Variants in MOXD1 observed in about 807,000 individuals in gnomAD.
MOXD1 encodes the protein DBH-like monooxygenase protein 1.
A neutral mutation model predicts 66.6 loss-of-function variants in MOXD1; 62 were observed. The ratio of observed to expected loss-of-function variants is 0.93; its 90% CI spans 0.76 to 1.15. The LOEUF is 1.15. Among genes scored for constraint, MOXD1 ranks in the 50% most tolerant of loss-of-function variants. The pLI is 0.00. For missense variants in MOXD1, 847 were observed against 754.6 expected (o/e 1.12, Z -1.44); for synonymous variants, 303 against 281.9 (o/e 1.07, Z -0.75).
chr6:132,393,505 G>A (rs945213914), intron 1 of MOXD1, among the ~76,000 whole-genome samples: 4 of 152,168 alleles, frequency 2.6e-5, no homozygotes, highest in South Asian at 2.1e-4. Flanking sequence ...GTAAGTGAGA[G>A]ACACCAAGTG....
intron 1 of MOXD1, among the ~76,000 whole-genome samples, chr6:132,378,745 G>A (rs1262806952): frequency 2.0e-5 from 3 of 151,944 alleles, no homozygotes; most frequent in African/African-American, 7.3e-5. Context: ...CTACTCATGG[G>A]TAAAAACCTT....
intron 4 of MOXD1, among the ~76,000 whole-genome samples, chr6:132,334,170 G>A (rs1311589724): frequency 6.6e-6 from 1 of 152,140 alleles, no homozygotes; most frequent in Non-Finnish European, 1.5e-5. Context: ...TTATTGAATT[G>A]AAATAAAATG....
Position 132,372,677 on chromosome 6 carries a change from G to T in MOXD1, c.594C>A (p.Asn198Lys), listed in dbSNP as rs763417235. Residue 198 changes from asparagine to lysine, a missense_variant, in exon 4 of 12, where the codon AAC becomes AAA. Physicochemically the swap from Asn to Lys is moderately conservative, Grantham distance 94. Transcript: ENST00000367963. ...DLVNQDVPIP[N>K]KDTTYWCQMF... is the part of the protein sequence containing the mutation. Reference sequence around the variant, plus strand: ...TTTGGCACCAATATGTTGTATCTTTGTTTGGGATGGGGACCTGTCTTAATA... The same window carrying T: ...TTTGGCACCAATATGTTGTATCTTTTTTTGGGATGGGGACCTGTCTTAATA... 1.2e-6 allele frequency: 2 copies of T among 1,613,644 alleles called. No homozygotes were observed. Among genetic ancestry groups the T allele is most frequent in the African/African-American group, 2.7e-5 (2 of 74,984 alleles).
intron 1 of MOXD1, among the ~76,000 whole-genome samples, chr6:132,377,150 T>A (rs1263255155): frequency 6.6e-6 from 1 of 152,228 alleles, no homozygotes; most frequent in African/African-American, 2.4e-5. Context: ...AAATGTTACT[T>A]TTCTTCTGCC....
chr6:132,347,719 T>C (rs944128572), intron 4 of MOXD1, among the ~76,000 whole-genome samples: 1 of 151,992 alleles, frequency 6.6e-6, no homozygotes, highest in Non-Finnish European at 1.5e-5. Context: ...AGTGTTGCCC[T>C]CTAGTTGGAA....
Position 132,297,183 on chromosome 6 carries a change from G to A in MOXD1, c.1812C>T (p.Leu604=). The A allele has an allele frequency of 6.2e-7, 1 of 1,613,526 alleles. No individual in the cohort carries two copies. Among genetic ancestry groups the A allele is most frequent in the Non-Finnish European group, 8.5e-7 (1 of 1,179,640 alleles). The change falls in exon 12 of 12, where the codon CTC becomes CTT. Residue 604 remains leucine, a synonymous_variant. Transcript: ENST00000367963. ...SINLLVCLLL[L]SCTLSTKSL ...AGCTCTTGGTGCTCAGCGTGCAGCT[G>A]AGTAGCAGAAGGCAAACAAGCAAGT...
chr6:132,399,365 T>C (rs954886180), intron 1 of MOXD1, among the ~76,000 whole-genome samples: 1 of 152,228 alleles, frequency 6.6e-6, no homozygotes, highest in African/African-American at 2.4e-5. Flanking sequence ...ATTAAATGTA[T>C]TGAGAATGCA....
At chr6:132,329,474 A>G (rs1395672543) in intron 4 of MOXD1, among the ~76,000 whole-genome samples, 2 of 152,226 alleles carry the variant, frequency 1.3e-5, no homozygotes, top group South Asian at 2.1e-4. Flanking sequence ...TCACATAGAA[A>G]AAAAGAAGTC....
chr6:132,389,430 T>C (rs897151879), intron 1 of MOXD1, among the ~76,000 whole-genome samples: 2 of 151,420 alleles, frequency 1.3e-5, no homozygotes, highest in South Asian at 2.1e-4. Context: ...CTTCTGCAGG[T>C]TGAATTGCCT....
intron 4 of MOXD1, among the ~76,000 whole-genome samples, chr6:132,361,695 A>G (rs1452188657): frequency 1.3e-5 from 2 of 151,442 alleles, no homozygotes; most frequent in Non-Finnish European, 2.9e-5. Flanking sequence ...CTCCCTAAAG[A>G]TTCTGATTCT....
At chr6:132,303,129 G>A (rs749754558) in intron 10 of MOXD1, among the ~76,000 whole-genome samples, 9 of 151,982 alleles carry the variant, frequency 5.9e-5, no homozygotes, top group Non-Finnish European at 1.0e-4. Context: ...AGTAGGCAAA[G>A]ATTTTTTAAG....
chr6:132,361,332 C>T (rs1056660467), intron 4 of MOXD1, among the ~76,000 whole-genome samples: 1 of 145,450 alleles, frequency 6.9e-6, no homozygotes, highest in African/African-American at 2.6e-5. Context: ...AAAAAAAAAA[C>T]AGCAAGCAAT....
chr6:132,354,726 A>G (rs1775876831), intron 4 of MOXD1, among the ~76,000 whole-genome samples: 3 of 152,196 alleles, frequency 2.0e-5, no homozygotes, highest in South Asian at 2.1e-4. Flanking sequence ...CCAAGAGTAT[A>G]TAGCGTTTGT....
chr6:132,382,064 T>G (rs1184483599), intron 1 of MOXD1, among the ~76,000 whole-genome samples: 2 of 152,090 alleles, frequency 1.3e-5, no homozygotes, highest in East Asian at 3.8e-4. Flanking sequence ...TATTGATCAC[T>G]GTGCACTCTC....
intron 1 of MOXD1, among the ~76,000 whole-genome samples, chr6:132,394,607 A>G (rs1241230328): frequency 1.4e-5 from 2 of 140,100 alleles, no homozygotes; most frequent in Non-Finnish European, 3.0e-5. Context: ...AATTTACCAA[A>G]GAGATAGATG....
chr6:132,349,406 C>T lies in MOXD1; in HGVS notation c.664-20812G>A, dbSNP rs13198640. Among the ~76,000 whole-genome samples, 480 of 71,710 alleles carry T rather than the reference C, an allele frequency of 6.7e-3. 59 individuals carry two copies. The highest frequency in any genetic ancestry group is 0.025 in the African/African-American group (308 of 12,518). The allele number at this position is 71,710 out of a possible 152,430, so 47.0% of individuals were successfully genotyped here. ...GTATATATATATACACATATATATA[C>T]ATATATATATATATACATATATATA... On this transcript the variant is annotated intron_variant, in intron 4 of 11. Transcript: ENST00000367963.
intron 6 of MOXD1, among the ~76,000 whole-genome samples, chr6:132,327,343 C>T (rs1775211452): frequency 2.6e-5 from 4 of 152,170 alleles, no homozygotes; most frequent in Non-Finnish European, 5.9e-5. Flanking sequence ...CTGTTTTTCA[C>T]TCACTCTATA....
intron 1 of MOXD1, chr6:132,391,256 C>G (rs556404625): frequency 6.9e-6 from 1 of 145,742 alleles, no homozygotes; most frequent in South Asian, 2.3e-4. Flanking sequence ...AAGATTTTCT[C>G]ACAATGTTTG....
At chr6:132,349,455 A>G (rs1444531603) in intron 4 of MOXD1, among the ~76,000 whole-genome samples, 7 of 30,056 alleles carry the variant, frequency 2.3e-4, no homozygotes, top group South Asian at 1.5e-3. Flanking sequence ...ATATATACAT[A>G]TATATATATA....
Sources: gnomAD v4.1 joint callset for allele counts (sites outside exome capture counted in the v4.1 genomes callset) on GRCh38, gnomAD v4.1.1 for gene constraint, MANE v1.5 for transcripts, NCBI Gene and HGNC (gene_info 2026-07-23, HGNC 2026-07-21) for gene names.